KDR: variants seen among roughly 807,000 people sequenced by gnomAD.
KDR encodes the protein vascular endothelial growth factor receptor 2.
A neutral mutation model predicts 160.9 loss-of-function variants in KDR; 43 were observed. That is an observed-to-expected ratio of 0.27 (90% CI 0.21 to 0.34). The LOEUF (loss-of-function observed/expected upper bound fraction) is 0.34. Ranked by LOEUF, KDR falls within the 10% of genes least tolerant of loss-of-function variation. The probability of loss-of-function intolerance (pLI) is 1.00; values close to 1 mark genes in which losing one functional copy is unlikely to be tolerated. For synonymous variants in KDR, 617 were observed against 600.1 expected, an observed-to-expected ratio of 1.03 and a Z score of -0.41; for missense variants, 1,469 against 1,666.4, an observed-to-expected ratio of 0.88 and a Z score of 2.06.
rs1720192636 is a variant in KDR at position 55,097,529 on chromosome 4, G to A, written c.2614+133C>T. 6.0e-6 allele frequency: 4 copies of A among 664,568 alleles called. No homozygotes were observed. In the South Asian group the frequency reaches 6.5e-5, roughly 11 times the overall value. 41.2% of individuals were successfully genotyped at this position (664,568 alleles called of 1,614,324 possible). ...AGGATCCTTTTTCCAATTTGCACAAGGGCATTATTTAGGCTGACTGCATGT... is the reference window on the plus strand; with the variant it reads ...AGGATCCTTTTTCCAATTTGCACAAAGGCATTATTTAGGCTGACTGCATGT... On this transcript the variant is annotated intron_variant, in intron 18 of 29. Coordinates refer to ENST00000263923, the MANE Select transcript of KDR (RefSeq NM_002253.4).
intron 7 of KDR, among the ~76,000 whole-genome samples, 183 bp downstream of exon 7, chr4:55,113,121 G>A (rs1395220953): frequency 2.6e-5 from 4 of 152,128 alleles, no homozygotes; most frequent in Non-Finnish European, 5.9e-5. Context: ...TAAAGTTGAG[G>A]TTTGAACCCA....
chr4:55,105,777 C>T (rs1720431750), intron 12 of KDR, 55 bp downstream of exon 12: 1 of 1,047,414 alleles, frequency 9.5e-7, no homozygotes, highest in Admixed American at 1.7e-5. Context: ...AATTACATAG[C>T]TTAGTACCCA....
At chr4:55,081,271 A>G (rs1719730131) in intron 29 of KDR, among the ~76,000 whole-genome samples, 1 of 152,130 alleles carries the variant, frequency 6.6e-6, no homozygotes, top group African/African-American at 2.4e-5. Context: ...TTATAAGCAG[A>G]TCAAAACCTC....
chr4:55,091,859 C>G (rs374731277), intron 22 of KDR, among the ~76,000 whole-genome samples: 1 of 152,178 alleles, frequency 6.6e-6, no homozygotes, highest in South Asian at 2.1e-4. Flanking sequence ...CCTTGCTCCC[C>G]GCTTGGTGTT....
chr4:55,105,037 A>C, intron 12 of KDR, 53 bp from the exon 13 acceptor site: 2 of 1,429,946 alleles, frequency 1.4e-6, no homozygotes, highest in Non-Finnish European at 2.0e-6. Flanking sequence ...GGTACAGCTC[A>C]CTATCATCTT....
Position 55,107,788 on chromosome 4 carries a change from T to C in KDR, c.1361A>G (p.His454Arg). ...TCTVYAIPPP[H>R]HIHWYWQLEE... ...CAACTGCCAATACCAGTGGATGTGA[T>C]GCGGGGGAGGAATGGCATAGACCGT... Residue 454 changes from histidine to arginine, a missense_variant, in exon 10 of 30, where the codon CAT becomes CGT. Coordinates refer to ENST00000263923, the MANE Select transcript of KDR (RefSeq NM_002253.4). 6.2e-7 allele frequency: 1 copy of C among 1,613,996 alleles called. No individual in the cohort carries two copies.
At chr4:55,081,191 T>C (rs1719728217) in intron 29 of KDR, among the ~76,000 whole-genome samples, 1 of 152,196 alleles carries the variant, frequency 6.6e-6, no homozygotes, top group Non-Finnish European at 1.5e-5. Flanking sequence ...TTGGGGTTTT[T>C]TTTGTTTGTT....
rs1463353140 is a variant in KDR at position 55,079,712 on chromosome 4, A to G, written c.*229T>C. 1.4e-5 allele frequency: 8 copies of G among 586,662 alleles called. No homozygotes were observed. The highest frequency in any genetic ancestry group is 2.4e-5 in the Non-Finnish European group (8 of 329,756). 36.3% of individuals were successfully genotyped at this position (586,662 alleles called of 1,614,324 possible). ...TGATAAATGCTTTTTAAATGAATGA[A>G]AAAGAGGATCAGGTCAACACTGGGA... On this transcript the variant is annotated 3_prime_UTR_variant, in exon 30 of 30. Transcript: ENST00000263923.
chr4:55,096,436 C>T (rs1201185038), intron 18 of KDR, 94 bp from the exon 19 acceptor site: 10 of 829,034 alleles, frequency 1.2e-5, no homozygotes, highest in Non-Finnish European at 2.0e-5. Flanking sequence ...ATACAACTTA[C>T]CCTCCGGGGT....
chr4:55,079,371 C>G lies in KDR; in HGVS notation c.*570G>C. The G allele has an allele frequency of 4.1e-6, 1 of 245,958 alleles. No homozygotes were observed. The highest frequency in any genetic ancestry group is 8.0e-6 in the Non-Finnish European group (1 of 124,782). The allele number at this position is 245,958 out of a possible 1,614,324, so 15.2% of individuals were successfully genotyped here. A position where few individuals can be genotyped will look rare whatever the true frequency, so the allele number is the denominator to read the frequency against. On this transcript the variant is annotated 3_prime_UTR_variant, in exon 30 of 30. Transcript: ENST00000263923. ...ATTTCAGAACAGACCCCATGCCCAC[C>G]TCCACCAGAGCAAACACAATGCATT...
chr4:55,103,925 C>T (rs1720374241), intron 13 of KDR, among the ~76,000 whole-genome samples: 2 of 152,242 alleles, frequency 1.3e-5, no homozygotes, highest in Admixed American at 1.3e-4. Context: ...AGCTTTTGCA[C>T]AAGGCATGAG....
intron 11 of KDR, 38 bp downstream of exon 11, chr4:55,106,649 G>C (rs1341080934): frequency 2.9e-6 from 4 of 1,396,280 alleles, no homozygotes; most frequent in Non-Finnish European, 4.1e-6. Context: ...TTCCATTAAA[G>C]AGAGAGAGAT....
Position 55,104,982 on chromosome 4 carries a change from C to G in KDR, c.1648G>C (p.Gly550Arg), listed in dbSNP as rs772028072. Residue 550 changes from glycine to arginine, a missense_variant and splice_region_variant, in exon 13 of 30, where the codon GGT (glycine) becomes CGT (arginine). Coordinates refer to ENST00000263923, the MANE Select transcript of KDR (RefSeq NM_002253.4). Reference protein sequence around the residue: ...ERVISFHVTRGPEITLQPDMQ... With the variant: ...ERVISFHVTRRPEITLQPDMQ... ...TCAGGTTGCAAAGTAATTTCAGGAC[C>G]CCCTAAAATGAAGAGGCCATAGTTA... The G allele has an allele frequency of 1.9e-6, 3 of 1,612,352 alleles. No homozygotes were observed. In the South Asian group the frequency reaches 3.3e-5, roughly 18 times the overall value.
In KDR at chr4:55,095,430, A is replaced by G. The variant is rs960101521; in HGVS notation, c.2817+147T>C. ...AGAAACATATGGCCCCCAGAAGGTA[A>G]AAGAGGAAGTTACAACAGCCAAGAG... On this transcript the variant is annotated intron_variant, in intron 20 of 29. Transcript: ENST00000263923. The G allele has an allele frequency of 4.4e-6, 3 of 683,046 alleles. No individual in the cohort carries two copies. The African/African-American group carries it at 5.3e-5, about 12-fold the overall frequency. The allele number at this position is 683,046 out of a possible 1,614,324, so 42.3% of individuals were successfully genotyped here. A position where few individuals can be genotyped will look rare whatever the true frequency, so the allele number is the denominator to read the frequency against.
chr4:55,118,414 C>T (rs760335582), intron 3 of KDR, among the ~76,000 whole-genome samples, 190 bp downstream of exon 3: 2 of 152,192 alleles, frequency 1.3e-5, no homozygotes, highest in Non-Finnish European at 2.9e-5. Context: ...AAAGAGGTAA[C>T]ACGGCCCAAG....
At position 55,078,694 on chromosome 4, in the gene KDR, T is replaced by C. The variant is rs374934772; in HGVS notation, c.*1247A>G. Reference sequence around the variant, plus strand: ...TCATTGTTCCCAGCATTTCACACTATGGTACCAAACAAAAAACACATTTTC... The same window carrying C: ...TCATTGTTCCCAGCATTTCACACTACGGTACCAAACAAAAAACACATTTTC... On this transcript the variant is annotated 3_prime_UTR_variant, in exon 30 of 30. Coordinates refer to ENST00000263923, the MANE Select transcript of KDR (RefSeq NM_002253.4). 2 of 232,506 alleles carry C rather than the reference T, an allele frequency of 8.6e-6. No homozygotes were observed. Among genetic ancestry groups the C allele is most frequent in the South Asian group, 3.6e-4 (2 of 5,516 alleles). The allele number at this position is 232,506 out of a possible 1,614,324, so 14.4% of individuals were successfully genotyped here. A position where few individuals can be genotyped will look rare whatever the true frequency, so the allele number is the denominator to read the frequency against.
intron 13 of KDR, among the ~76,000 whole-genome samples, chr4:55,104,435 C>T (rs957452859): frequency 7.9e-5 from 12 of 152,170 alleles, no homozygotes; most frequent in Non-Finnish European, 1.8e-4. Flanking sequence ...TGAATTACTC[C>T]ATCATCAGGT....
chr4:55,117,681 T>C (rs1185386691), intron 3 of KDR, among the ~76,000 whole-genome samples: 1 of 152,194 alleles, frequency 6.6e-6, no homozygotes, highest in African/African-American at 2.4e-5. Context: ...AAAGTCTAAG[T>C]CATCTTCACC....
At chr4:55,083,623 G>T (rs1036170589) in intron 27 of KDR, among the ~76,000 whole-genome samples, 3 of 152,122 alleles carry the variant, frequency 2.0e-5, no homozygotes, top group Middle Eastern at 3.4e-3. Flanking sequence ...AGCCCAAGTG[G>T]AGGGAAGGGA....
Sources: allele counts gnomAD v4.1 joint callset (sites outside exome capture counted in the v4.1 genomes callset), GRCh38; gene constraint gnomAD v4.1.1; transcripts MANE v1.5; gene names NCBI Gene and HGNC (gene_info 2026-07-23, HGNC 2026-07-21).